The following PRICKLE2 variants were observed in gnomAD, a reference collection of about 807,000 sequenced individuals.
The protein encoded by PRICKLE2 is prickle planar cell polarity protein 2, also known as prickle-like protein 2.
In PRICKLE2, 21 loss-of-function variants were observed where a neutral mutation model predicts 81.4. That is an observed-to-expected ratio of 0.26 (90% CI 0.18 to 0.37). The LOEUF is 0.37. Ranked by LOEUF, PRICKLE2 falls within the 10% of genes least tolerant of loss-of-function variation. The pLI, the probability that PRICKLE2 is intolerant of heterozygous loss-of-function variation, is 1.00. For synonymous variants in PRICKLE2, 456 were observed against 421.5 expected (o/e 1.08, Z -1.00); for missense variants, 940 against 1,109.0 (o/e 0.85, Z 2.16).
intron 2 of PRICKLE2, among the ~76,000 whole-genome samples, chr3:64,246,519 G>A (rs1162447121): frequency 6.6e-6 from 1 of 152,144 alleles, no homozygotes; most frequent in African/African-American, 2.4e-5. Flanking sequence ...TCTGAGTTCA[G>A]TTAGATCAGT....
chr3:64,203,316 G>C (rs1490271881), intron 1 of PRICKLE2, among the ~76,000 whole-genome samples: 2 of 152,184 alleles, frequency 1.3e-5, no homozygotes, highest in South Asian at 4.1e-4. Context: ...CAATGGTCAG[G>C]TCTGTTGGGA....
chr3:64,193,719 C>T (rs1056989836), intron 2 of PRICKLE2, among the ~76,000 whole-genome samples: 1 of 152,130 alleles, frequency 6.6e-6, no homozygotes, highest in African/African-American at 2.4e-5. Flanking sequence ...ATCATTGGGG[C>T]AGGTCTTTCC....
At position 64,198,961 on chromosome 3, in the gene PRICKLE2, G is replaced by A. The variant is rs1215332800; in HGVS notation, c.-34C>T. The A allele has an allele frequency of 6.2e-7, 1 of 1,613,726 alleles. No individual in the cohort carries two copies. Among genetic ancestry groups the A allele is most frequent in the Non-Finnish European group, 8.5e-7 (1 of 1,180,008 alleles). ...CCTGGGGACACTTGCAGTGCAGGCA[G>A]ATCTTCCTGCAGGCAGTAAAGGTAG... On this transcript the variant is annotated 5_prime_UTR_variant, in exon 2 of 8. Transcript: ENST00000638394.
upstream of PRICKLE2, among the ~76,000 whole-genome samples, chr3:64,225,712 T>G (rs1367002851): frequency 6.6e-6 from 1 of 152,036 alleles, no homozygotes. Context: ...TAAAGACACA[T>G]GCCTATTTTT....
chr3:64,123,959 G>C (rs1299025099), intron 7 of PRICKLE2, among the ~76,000 whole-genome samples: 1 of 152,180 alleles, frequency 6.6e-6, no homozygotes, highest in African/African-American at 2.4e-5. Context: ...TCAAAAGCTG[G>C]AGATGACTAA....
chr3:64,239,710 T>A (rs2079233501), intron 2 of PRICKLE2, among the ~76,000 whole-genome samples: 1 of 152,142 alleles, frequency 6.6e-6, no homozygotes, highest in African/African-American at 2.4e-5. Flanking sequence ...TGGTTGCTTA[T>A]CACAGATAAG....
intron 2 of PRICKLE2, among the ~76,000 whole-genome samples, chr3:64,186,607 G>T (rs966550893): frequency 2.6e-5 from 4 of 152,156 alleles, no homozygotes; most frequent in African/African-American, 9.7e-5. Context: ...TCCAGTTTTT[G>T]ATTGGACCTG....
intron 7 of PRICKLE2, among the ~76,000 whole-genome samples, chr3:64,140,208 A>G (rs902947277): frequency 1.3e-5 from 2 of 152,230 alleles, no homozygotes; most frequent in Admixed American, 1.3e-4. Context: ...AGTGAGGTGC[A>G]GAATAGATAA....
At position 64,203,822 on chromosome 3, in the gene PRICKLE2, A is replaced by AAC. The variant is rs527381866; in HGVS notation, c.-40-4856_-40-4855insGT. Among the ~76,000 whole-genome samples the AAC allele has an allele frequency of 3.2e-3, 481 of 151,866 alleles. 1 individual carries two copies. The highest frequency in any genetic ancestry group is 0.01 in the African/African-American group (419 of 41,376). The stretch of plus-strand genomic sequence containing the variant: ...GTCTCCACTAAAAATACAAAAAAAA[A>AAC]AAAACATCAGCTGGGCATGGTGGTG... On this transcript the variant is annotated intron_variant, in intron 1 of 7. Transcript: ENST00000638394.
intron 2 of PRICKLE2, among the ~76,000 whole-genome samples, chr3:64,265,362 G>A (rs760662357): frequency 6.6e-6 from 1 of 152,058 alleles, no homozygotes; most frequent in Non-Finnish European, 1.5e-5. Flanking sequence ...TGTTTTAGTA[G>A]CTAAAAAAAA....
intron 7 of PRICKLE2, among the ~76,000 whole-genome samples, chr3:64,130,179 T>C (rs2077176379): frequency 6.6e-6 from 1 of 152,238 alleles, no homozygotes; most frequent in Non-Finnish European, 1.5e-5. Flanking sequence ...TCACTTGACT[T>C]TTCCACTTCA....
intron 2 of PRICKLE2, among the ~76,000 whole-genome samples, chr3:64,267,174 T>C (rs1174535881): frequency 1.3e-5 from 2 of 152,136 alleles, no homozygotes; most frequent in African/African-American, 2.4e-5. Context: ...TCTTCCAGCA[T>C]CTGAGAGGGT....
In PRICKLE2 at chr3:64,098,716, T is replaced by C. The variant is rs557088721; in HGVS notation, c.*335A>G. 2 of 292,510 alleles carry C rather than the reference T, an allele frequency of 6.8e-6. No individual in the cohort carries two copies. The highest frequency in any genetic ancestry group is 1.0e-4 in the South Asian group (2 of 19,938). The allele number at this position is 292,510 out of a possible 1,614,324, so 18.1% of individuals were successfully genotyped here. A position where few individuals can be genotyped will look rare whatever the true frequency, so the allele number is the denominator to read the frequency against. On this transcript the variant is annotated 3_prime_UTR_variant, in exon 8 of 8. Transcript: ENST00000638394. Reference sequence around the variant, plus strand: ...CTTACTGAAAAAAGGGTCCTAAAAGTAAGAGAACCAGAGAGGATAAAAGCG... The same window carrying C: ...CTTACTGAAAAAAGGGTCCTAAAAGCAAGAGAACCAGAGAGGATAAAAGCG...
At chr3:64,117,525 G>A (rs546888438) in intron 7 of PRICKLE2, among the ~76,000 whole-genome samples, 10 of 152,156 alleles carry the variant, frequency 6.6e-5, no homozygotes, top group Non-Finnish European at 1.3e-4. Context: ...AAATCAATGT[G>A]GAAAAATCAC....
chr3:64,178,498 T>A (rs960671152), intron 2 of PRICKLE2, among the ~76,000 whole-genome samples: 3 of 152,188 alleles, frequency 2.0e-5, no homozygotes, highest in Non-Finnish European at 4.4e-5. Flanking sequence ...TGAAAGCAAG[T>A]CTCATGGACA....
intron 2 of PRICKLE2, among the ~76,000 whole-genome samples, chr3:64,164,909 T>A (rs2107049944): frequency 6.6e-6 from 1 of 152,312 alleles, no homozygotes; most frequent in South Asian, 2.1e-4. Context: ...AAAGTCCCTG[T>A]GCCATATGCC....
chr3:64,267,511 G>A (rs2079729228), intron 2 of PRICKLE2, among the ~76,000 whole-genome samples: 1 of 151,814 alleles, frequency 6.6e-6, no homozygotes, highest in African/African-American at 2.4e-5. Flanking sequence ...AAATAACTAG[G>A]TCATTAACAG....
chr3:64,263,930 G>C (rs1445380990), intron 2 of PRICKLE2, among the ~76,000 whole-genome samples: 1 of 152,126 alleles, frequency 6.6e-6, no homozygotes, highest in Non-Finnish European at 1.5e-5. Context: ...TCTAAATGGG[G>C]ACCTCATGGA....
intron 2 of PRICKLE2, among the ~76,000 whole-genome samples, chr3:64,246,821 C>A (rs2079364123): frequency 6.6e-6 from 1 of 152,170 alleles, no homozygotes; most frequent in South Asian, 2.1e-4. Context: ...TACATGTCTG[C>A]CTTCATTTCA....
Sources: allele counts gnomAD v4.1 joint callset (sites outside exome capture counted in the v4.1 genomes callset), GRCh38; gene constraint gnomAD v4.1.1; transcripts MANE v1.5; gene names NCBI Gene and HGNC (gene_info 2026-07-23, HGNC 2026-07-21).